SYT9: variants seen among roughly 807,000 people sequenced by gnomAD.
SYT9 encodes synaptotagmin-9.
Under a neutral mutation model 48.4 loss-of-function variants are expected in SYT9, and 22 were observed. The observed-to-expected ratio is 0.45, with a 90% CI of 0.32 to 0.65. SYT9 has a LOEUF of 0.65. Among genes scored for constraint, SYT9 ranks in the 30% least tolerant of loss-of-function variants. The pLI is 0.03. For missense variants in SYT9, 577 were observed against 622.0 expected (o/e 0.93, Z 0.77); for synonymous variants, 265 against 245.0 (o/e 1.08, Z -0.76).
chr11:7,446,658 C>G (rs1407152655), intron 6 of SYT9, among the ~76,000 whole-genome samples: 1 of 152,212 alleles, frequency 6.6e-6, no homozygotes, highest in Non-Finnish European at 1.5e-5. Context: ...TGGCCATCCC[C>G]CCCAGCCTCT....
intron 6 of SYT9, chr11:7,439,264 T>G: frequency 6.6e-6 from 1 of 152,350 alleles, no homozygotes; most frequent in East Asian, 1.9e-4. Flanking sequence ...TTCAGTGTCA[T>G]GATGGTGTGA....
intron 3 of SYT9, among the ~76,000 whole-genome samples, chr11:7,315,432 G>A (rs1849225801): frequency 1.3e-5 from 2 of 152,188 alleles, no homozygotes; most frequent in South Asian, 4.1e-4. Context: ...CTGGTTATGG[G>A]AGCTGAGACA....
At chr11:7,385,802 A>G (rs1055156871) in intron 3 of SYT9, among the ~76,000 whole-genome samples, 1 of 152,188 alleles carries the variant, frequency 6.6e-6, no homozygotes, top group African/African-American at 2.4e-5. Flanking sequence ...CATTCTCATA[A>G]GTTTTCCTAT....
At chr11:7,349,417 C>G (rs1849867751) in intron 3 of SYT9, among the ~76,000 whole-genome samples, 1 of 94,494 alleles carries the variant, frequency 1.1e-5, no homozygotes, top group African/African-American at 3.4e-5. Flanking sequence ...ACCATGAAAA[C>G]TCTCTACCAG....
At chr11:7,321,942 C>G (rs1849345235) in intron 3 of SYT9, among the ~76,000 whole-genome samples, 1 of 152,120 alleles carries the variant, frequency 6.6e-6, no homozygotes, top group Non-Finnish European at 1.5e-5. Flanking sequence ...AACTAGGGAT[C>G]ACTTTCCTTG....
chr11:7,392,581 T>TG (rs1458391264), intron 3 of SYT9, among the ~76,000 whole-genome samples: 2 of 135,084 alleles, frequency 1.5e-5, no homozygotes, highest in Admixed American at 7.8e-5. Flanking sequence ...CTATTCAGGC[T>TG]GTTTTTTTTA....
intron 1 of SYT9, among the ~76,000 whole-genome samples, chr11:7,302,433 A>G (rs775006940): frequency 7.2e-5 from 11 of 152,170 alleles, no homozygotes; most frequent in South Asian, 2.1e-4. Flanking sequence ...AACCCAAACT[A>G]CAATATTCTA....
At chr11:7,246,200 C>T (rs1379096215) in intron 1 of SYT9, among the ~76,000 whole-genome samples, 3 of 152,178 alleles carry the variant, frequency 2.0e-5, no homozygotes, top group Non-Finnish European at 2.9e-5. Flanking sequence ...TGGGCTGAGA[C>T]TTTGATTCCT....
intron 1 of SYT9, among the ~76,000 whole-genome samples, chr11:7,266,598 T>C (rs988890571): frequency 6.6e-6 from 1 of 152,144 alleles, no homozygotes; most frequent in Non-Finnish European, 1.5e-5. Context: ...CATTGTCTTC[T>C]TTTTTTATCT....
At chr11:7,376,055 T>C (rs1173001253) in intron 3 of SYT9, among the ~76,000 whole-genome samples, 1 of 152,138 alleles carries the variant, frequency 6.6e-6, no homozygotes, top group East Asian at 1.9e-4. Context: ...TAATATACAA[T>C]ATAGTTTACT....
intron 1 of SYT9, among the ~76,000 whole-genome samples, chr11:7,300,722 G>T (rs1848903751): frequency 6.6e-6 from 1 of 152,156 alleles, no homozygotes; most frequent in African/African-American, 2.4e-5. Flanking sequence ...TGGAGAGGGC[G>T]GGGATTGATG....
At chr11:7,383,636 G>A (rs1039734793) in intron 3 of SYT9, among the ~76,000 whole-genome samples, 34 of 151,710 alleles carry the variant, frequency 2.2e-4, no homozygotes, top group African/African-American at 7.7e-4. Context: ...TAACAGCTAC[G>A]TCATGTTCAG....
At chr11:7,397,176 C>G (rs992465254) in intron 3 of SYT9, among the ~76,000 whole-genome samples, 22 of 152,214 alleles carry the variant, frequency 1.4e-4, no homozygotes, top group Admixed American at 1.3e-4. Context: ...ATCCTTCATA[C>G]AAAGTGAACA....
chr11:7,393,319 T>G (rs553385190), intron 3 of SYT9, among the ~76,000 whole-genome samples: 1 of 150,242 alleles, frequency 6.7e-6, no homozygotes, highest in Admixed American at 6.7e-5. Context: ...TATCATGAAG[T>G]AATGTTGAAT....
chr11:7,442,065 A>G (rs1564905499), intron 6 of SYT9, among the ~76,000 whole-genome samples: 1 of 152,110 alleles, frequency 6.6e-6, no homozygotes, highest in Non-Finnish European at 1.5e-5. Context: ...ACCACAGGGC[A>G]GCAAACGAAA....
chr11:7,384,039 G>T (rs1375841977), intron 3 of SYT9, among the ~76,000 whole-genome samples: 1 of 148,050 alleles, frequency 6.8e-6, no homozygotes, highest in Non-Finnish European at 1.5e-5. Flanking sequence ...GGAAGATGAA[G>T]ATTTAGCTCT....
rs887511978 is a variant in SYT9, at chr11:7,437,296, C to A, written c.1467+16661C>A. ...GTTCTACATGGAAGGGAGCAGTGTG[C>A]CACAAATGTTCTTGGCATTGATTCA... On this transcript the variant is annotated intron_variant, in intron 6 of 6. Transcript: ENST00000318881. 2.0e-5 allele frequency among the ~76,000 whole-genome samples: 3 copies of A among 152,266 alleles called. No individual in the cohort carries two copies. In the East Asian group the frequency reaches 5.8e-4, roughly 29 times the overall value.
At chr11:7,379,276 C>G (rs1259434653) in intron 3 of SYT9, among the ~76,000 whole-genome samples, 3 of 152,072 alleles carry the variant, frequency 2.0e-5, no homozygotes, top group Non-Finnish European at 4.4e-5. Context: ...ATTAAGAAAG[C>G]ATGTTAGAAA....
chr11:7,268,058 T>C (rs1848223581), intron 1 of SYT9, among the ~76,000 whole-genome samples: 1 of 151,972 alleles, frequency 6.6e-6, no homozygotes, highest in South Asian at 2.1e-4. Context: ...ACTTTCTGTG[T>C]AAAAAGGTAT....
Sources: allele counts gnomAD v4.1 joint callset (sites outside exome capture counted in the v4.1 genomes callset), GRCh38; gene constraint gnomAD v4.1.1; transcripts MANE v1.5; gene names NCBI Gene and HGNC (gene_info 2026-07-23, HGNC 2026-07-21).